ANKRA2: variants seen among roughly 807,000 people sequenced by gnomAD.
ANKRA2 encodes the protein ankyrin repeat family A member 2.
ANKRA2 carries 33 observed loss-of-function variants against 37.8 expected under a neutral mutation model. That is an observed-to-expected ratio of 0.87 (90% CI 0.66 to 1.17). The LOEUF (loss-of-function observed/expected upper bound fraction) is 1.17, where lower values mean the gene tolerates loss of function less well. Ranked by LOEUF, ANKRA2 falls within the 50% of genes most tolerant of loss-of-function variation. The probability of loss-of-function intolerance (pLI) is 0.00; values close to 1 mark genes in which losing one functional copy is unlikely to be tolerated. For synonymous variants in ANKRA2, 126 were observed against 132.3 expected (o/e 0.95, Z 0.33); for missense variants, 326 against 373.7 (o/e 0.87, Z 1.05).
At chr5:73,556,543 G>A (rs900937321) in intron 4 of ANKRA2, among the ~76,000 whole-genome samples, 4 of 152,284 alleles carry the variant, frequency 2.6e-5, no homozygotes, top group African/African-American at 7.2e-5. Context: ...AATAAGGAAT[G>A]AGTGAATTTA....
chr5:73,552,614 CAT>C lies in ANKRA2; in HGVS notation c.*181_*182del, dbSNP rs559911647. ...TTATAATTTTAAATATACAGTAAAA[CAT>C]AGTTATAAAAAGAGTATTACATTTA... On this transcript the variant is annotated 3_prime_UTR_variant, in exon 9 of 9. Transcript: ENST00000296785. 668 of 522,452 alleles carry C rather than the reference CAT, an allele frequency of 1.3e-3. 5 individuals carry two copies. In the South Asian group the frequency reaches 0.017, roughly 13 times the overall value. 32.4% of individuals were successfully genotyped at this position (522,452 alleles called of 1,614,324 possible).
intron 2 of ANKRA2, 73 bp downstream of exon 2, chr5:73,562,520 C>T: frequency 7.1e-7 from 1 of 1,404,464 alleles, no homozygotes; most frequent in South Asian, 1.5e-5. Flanking sequence ...AACTCAAAAT[C>T]TCATGATTGG....
At position 73,554,932 on chromosome 5, in the gene ANKRA2, A is replaced by C. The variant is rs757150145; in HGVS notation, c.667T>G (p.Cys223Gly). ...ACAATATCTGTGTAGCCTTTACTAC[A>C]GGCCAACGACAGTGCACTTTCTCGA... ...KGRESALSLA[C>G]SKGYTDIVKM... is the part of the protein sequence containing the mutation. Residue 223 changes from cysteine (C) to glycine (G), a missense_variant, in exon 6 of 9, where the codon TGT (cysteine) becomes GGT (glycine). Around this residue, in one of 3 missense-constraint regions of ANKRA2, gnomAD observed 228 missense variants for 260.2 expected, o/e 0.88. Transcript: ENST00000296785. 1 of 1,613,882 alleles carries C rather than the reference A, an allele frequency of 6.2e-7. No individual in the cohort carries two copies. The highest frequency in any genetic ancestry group is 2.2e-5 in the East Asian group (1 of 44,874).
chr5:73,552,853 C>G lies in ANKRA2; in HGVS notation c.887-1G>C. 2.5e-6 allele frequency: 4 copies of G among 1,599,734 alleles called. No homozygotes were observed. The South Asian group carries it at 4.4e-5, about 18-fold the overall frequency. ...AAATGTGACTCAATAACCTGTTGAA[C>G]TAGAACAGATAGGTAATCAAGATTA... On this transcript the variant is annotated splice_acceptor_variant, in intron 8 of 8. Transcript: ENST00000296785. LOFTEE classifies it high-confidence loss of function.
At chr5:73,561,387 C>T in intron 2 of ANKRA2, 99 bp from the exon 3 acceptor site, 4 of 1,095,118 alleles carry the variant, frequency 3.7e-6, no homozygotes, top group South Asian at 2.9e-5. Flanking sequence ...GTAATAGCTT[C>T]AATTAAACTA....
chr5:73,562,846 C>T lies in ANKRA2; in HGVS notation c.36G>A (p.Gln12=). The part of the protein sequence containing the change: ...DTSTNLDIGA[Q]LIVEECPSTY... The stretch of plus-strand genomic sequence containing the variant: ...TGCTGGGACACTCTTCCACGATAAG[C>T]TGGGCTCCAATATCCAGATTTGTTG... The change falls in exon 2 of 9, where the codon CAG becomes CAA. Residue 12 remains glutamine, a synonymous_variant. Coordinates refer to ENST00000296785, the MANE Select transcript of ANKRA2 (RefSeq NM_023039.5). The T allele has an allele frequency of 6.2e-7, 1 of 1,612,624 alleles. No homozygotes were observed.
intron 7 of ANKRA2, 104 bp from the exon 8 acceptor site, chr5:73,553,590 AAT>A (rs1161205151): frequency 1.5e-5 from 15 of 984,264 alleles, no homozygotes; most frequent in Non-Finnish European, 2.3e-5. Context: ...CAGTTTGGAG[AAT>A]GTTTTAGGAT....
intron 3 of ANKRA2, among the ~76,000 whole-genome samples, chr5:73,560,689 A>C (rs1580379991): frequency 6.6e-6 from 1 of 152,092 alleles, no homozygotes; most frequent in African/African-American, 2.4e-5. Context: ...CCCAGCCTTC[A>C]GTGCATTATA....
At chr5:73,557,030 T>C (rs1747414794) in intron 4 of ANKRA2, among the ~76,000 whole-genome samples, 1 of 149,748 alleles carries the variant, frequency 6.7e-6, no homozygotes, top group Non-Finnish European at 1.5e-5. Flanking sequence ...CCAGCAAATC[T>C]ACTTGTGGGA....
In ANKRA2 at chr5:73,562,908, A is replaced by T. The variant is rs180882164; in HGVS notation, c.-27T>A. The T allele has an allele frequency of 2.5e-4, 395 of 1,558,592 alleles. No homozygotes were observed. The highest frequency in any genetic ancestry group is 2.0e-3 in the East Asian group (88 of 44,182). ...ATTTCAACTGTAGTTTCAATAACTA[A>T]AACATTTCTTCATGATTTCCTCTTG... On this transcript the variant is annotated 5_prime_UTR_variant, in exon 2 of 9. Transcript: ENST00000296785.
At chr5:73,556,806 C>T (rs1257653375) in intron 4 of ANKRA2, among the ~76,000 whole-genome samples, 6 of 151,474 alleles carry the variant, frequency 4.0e-5, no homozygotes, top group Non-Finnish European at 7.4e-5. Flanking sequence ...TCCAGTAGAC[C>T]ATAACTTAAA....
chr5:73,557,384 G>A (rs549641958), intron 4 of ANKRA2, 191 bp downstream of exon 4: 18 of 355,202 alleles, frequency 5.1e-5, no homozygotes, highest in African/African-American at 3.7e-4. Context: ...GGCAACGGTG[G>A]TAAAGGAACT....
chr5:73,555,703 TGAC>T (rs1310523492), intron 4 of ANKRA2, 118 bp from the exon 5 acceptor site: 10 of 893,706 alleles, frequency 1.1e-5, no homozygotes, highest in South Asian at 3.1e-5. Flanking sequence ...CACTTTGTGC[TGAC>T]TTTATGTTGG....
chr5:73,559,927 T>C (rs1165238107), intron 3 of ANKRA2, among the ~76,000 whole-genome samples: 4 of 151,908 alleles, frequency 2.6e-5, no homozygotes, highest in East Asian at 3.9e-4. Flanking sequence ...CCTAGCTAAT[T>C]AAAAAAAATT....
At chr5:73,556,908 T>C (rs1747410382) in intron 4 of ANKRA2, among the ~76,000 whole-genome samples, 1 of 151,252 alleles carries the variant, frequency 6.6e-6, no homozygotes, top group Non-Finnish European at 1.5e-5. Context: ...AGTGAGGGCG[T>C]GGGGAAACAG....
At position 73,557,653 on chromosome 5, in the gene ANKRA2, C is replaced by T. The variant is rs2112013809; in HGVS notation, c.449-13G>A. On this transcript the variant is annotated splice_polypyrimidine_tract_variant and intron_variant, in intron 3 of 8. Coordinates refer to ENST00000296785, the MANE Select transcript of ANKRA2 (RefSeq NM_023039.5). ...TGAACAGACAAAGCTGAAAGAGTATCATAAAATGCTTCATGAATTATCTAT... is the reference window on the plus strand; with the variant it reads ...TGAACAGACAAAGCTGAAAGAGTATTATAAAATGCTTCATGAATTATCTAT... 1 of 1,598,548 alleles carries T rather than the reference C, an allele frequency of 6.3e-7. No homozygotes were observed. Among genetic ancestry groups the T allele is most frequent in the East Asian group, 2.2e-5 (1 of 44,632 alleles).
intron 5 of ANKRA2, 88 bp from the exon 6 acceptor site, chr5:73,555,074 C>T (rs1171297386): frequency 1.3e-6 from 2 of 1,530,336 alleles, no homozygotes; most frequent in Non-Finnish European, 8.7e-7. Flanking sequence ...TAGTTCAACA[C>T]TAGGCCTGGT....
At position 73,552,863 on chromosome 5, in the gene ANKRA2, T is replaced by C. The variant is rs1747290287; in HGVS notation, c.887-11A>G. On this transcript the variant is annotated splice_polypyrimidine_tract_variant and intron_variant, in intron 8 of 8. Coordinates refer to ENST00000296785, the MANE Select transcript of ANKRA2 (RefSeq NM_023039.5). Reference sequence around the variant, plus strand: ...CAATAACCTGTTGAACTAGAACAGATAGGTAATCAAGATTACAGCACAGTG... The same window carrying C: ...CAATAACCTGTTGAACTAGAACAGACAGGTAATCAAGATTACAGCACAGTG... 2.5e-6 allele frequency: 4 copies of C among 1,591,244 alleles called. No homozygotes were observed. Among genetic ancestry groups the C allele is most frequent in the East Asian group, 2.2e-5 (1 of 44,574 alleles).
At chr5:73,560,346 C>G (rs1346350407) in intron 3 of ANKRA2, among the ~76,000 whole-genome samples, 1 of 151,894 alleles carries the variant, frequency 6.6e-6, no homozygotes, top group Non-Finnish European at 1.5e-5. Context: ...TTGAAAAATA[C>G]AATGCATTAT....
Sources: gnomAD v4.1 joint callset for allele counts (sites outside exome capture counted in the v4.1 genomes callset) on GRCh38, gnomAD v4.1.1 for gene constraint, gnomAD v4.1.1 regional missense constraint, MANE v1.5 for transcripts, NCBI Gene and HGNC (gene_info 2026-07-23, HGNC 2026-07-21) for gene names.